TAF4B: variants seen among roughly 807,000 people sequenced by gnomAD.
TAF4B encodes the protein TATA-box binding protein associated factor 4b.
TAF4B carries 38 observed loss-of-function variants against 86.4 expected under a neutral mutation model. That is an observed-to-expected ratio of 0.44 (90% CI 0.34 to 0.58). The LOEUF is 0.58. TAF4B is among the 20% of genes least tolerant of loss of function. The pLI is 0.02. For synonymous variants in TAF4B, 388 were observed against 391.2 expected (o/e 0.99, Z 0.10); for missense variants, 988 against 1,027.6 (o/e 0.96, Z 0.53).
chr18:26,243,085 T>C (rs2055865890), intron 1 of TAF4B, among the ~76,000 whole-genome samples: 1 of 152,142 alleles, frequency 6.6e-6, no homozygotes, highest in Admixed American at 6.5e-5. Flanking sequence ...TCTCGAGGAG[T>C]ATCTTTGTGG....
rs1186267913 is a variant in TAF4B at position 26,346,797 on chromosome 18, A to ATG, written c.2317-10889_2317-10888dup. Among the ~76,000 whole-genome samples the ATG allele has an allele frequency of 6.6e-4, 14 of 21,370 alleles. 1 individual carries two copies. Among genetic ancestry groups the ATG allele is most frequent in the African/African-American group, 9.5e-4 (9 of 9,440 alleles). The allele number at this position is 21,370 out of a possible 152,430, so 14.0% of individuals were successfully genotyped here. A position where few individuals can be genotyped will look rare whatever the true frequency, so the allele number is the denominator to read the frequency against. ...TATGTGTGTGTATATATATATATAT[A>ATG]TGTGTATATATATATATATGTGTGT... On this transcript the variant is annotated intron_variant, in intron 13 of 14. Transcript: ENST00000269142.
intron 12 of TAF4B, among the ~76,000 whole-genome samples, chr18:26,331,292 G>GA (rs2057048585): frequency 6.6e-6 from 1 of 152,106 alleles, no homozygotes; most frequent in African/African-American, 2.4e-5. Flanking sequence ...AGTTATTATT[G>GA]AATATCATAA....
intron 14 of TAF4B, among the ~76,000 whole-genome samples, chr18:26,382,808 ATAAGT>A (rs1213502831): frequency 2.0e-5 from 3 of 152,214 alleles, no homozygotes; most frequent in East Asian, 1.9e-4. Flanking sequence ...CTAGTAAGTG[ATAAGT>A]TAAAGAGAAA....
chr18:26,352,244 T>C (rs1299554415), intron 13 of TAF4B, among the ~76,000 whole-genome samples: 2 of 152,014 alleles, frequency 1.3e-5, no homozygotes, highest in Admixed American at 6.6e-5. Flanking sequence ...GGATTAAAAA[T>C]CTGTAATGGA....
At position 26,389,937 on chromosome 18, in the gene TAF4B, G is replaced by C; in HGVS notation, c.2514G>C (p.Arg838Ser). 1.2e-6 allele frequency: 2 copies of C among 1,614,088 alleles called. No homozygotes were observed. The highest frequency in any genetic ancestry group is 8.5e-7 in the Non-Finnish European group (1 of 1,179,986). The change falls in exon 15 of 15, where the codon AGG becomes AGC. Residue 838 changes from arginine to serine, a missense_variant. This residue lies in a region of TAF4B where 216 missense variants were observed against 238.4 expected (regional missense o/e 0.91). Transcript: ENST00000269142. Reference protein sequence around the residue: ...HRPRITRICLRDLIFCMEQER... With the variant: ...HRPRITRICLSDLIFCMEQER... The stretch of plus-strand genomic sequence containing the variant: ...CAAGAATCACGAGAATCTGCCTCAG[G>C]GACTTGATATTTTGTATGGAACAGG...
At position 26,285,211 on chromosome 18, in the gene TAF4B, T is replaced by TTTTTTTTTTTTGTTTTTG. The variant is rs1386537034; in HGVS notation, c.973-661_973-660insTGTTTTTGTTTTTTTTTT. On this transcript the variant is annotated intron_variant, in intron 6 of 14. Coordinates refer to ENST00000269142, the MANE Select transcript of TAF4B (RefSeq NM_005640.3). ...TTTTAAAGACTATTTCTTCCTTTCC[T>TTTTTTTTTTTTGTTTTTG]TTTTTTTTTTGTTTTTTTTTTTTTT... 3.9e-4 allele frequency among the ~76,000 whole-genome samples: 32 copies of TTTTTTTTTTTTGTTTTTG among 82,694 alleles called. 4 individuals carry two copies. The highest frequency in any genetic ancestry group is 6.9e-4 in the Non-Finnish European group (27 of 39,282). 54.3% of individuals were successfully genotyped at this position (82,694 alleles called of 152,430 possible).
intron 5 of TAF4B, among the ~76,000 whole-genome samples, chr18:26,279,559 AAAC>A (rs1465255533): frequency 1.2e-4 from 18 of 151,142 alleles, no homozygotes; most frequent in Admixed American, 7.2e-4. Flanking sequence ...AAAAAAAAAA[AAAC>A]AACAACAACA....
intron 10 of TAF4B, among the ~76,000 whole-genome samples, chr18:26,319,642 C>G (rs1034822271): frequency 6.6e-6 from 1 of 151,654 alleles, no homozygotes; most frequent in African/African-American, 2.4e-5. Flanking sequence ...CAGGCTGGAG[C>G]GCAATGGTGC....
chr18:26,257,263 G>T (rs2056098168), intron 1 of TAF4B, among the ~76,000 whole-genome samples: 1 of 152,096 alleles, frequency 6.6e-6, no homozygotes, highest in African/African-American at 2.4e-5. Flanking sequence ...TGTGTGTGAG[G>T]TATATGTGCT....
intron 9 of TAF4B, among the ~76,000 whole-genome samples, chr18:26,302,568 G>A (rs1472675422): frequency 6.6e-6 from 1 of 151,794 alleles, no homozygotes; most frequent in African/African-American, 2.4e-5. Flanking sequence ...TCGCTTTGTT[G>A]TCCAGGCTGG....
intron 1 of TAF4B, among the ~76,000 whole-genome samples, chr18:26,250,655 C>A (rs569001398): frequency 6.6e-6 from 1 of 152,120 alleles, no homozygotes; most frequent in African/African-American, 2.4e-5. Flanking sequence ...CTGGATTCTA[C>A]GCTAAGTGCC....
In TAF4B at chr18:26,274,954, A is replaced by G; in HGVS notation, c.783A>G (p.Lys261=). 1.2e-6 allele frequency: 2 copies of G among 1,613,560 alleles called. No homozygotes were observed. The highest frequency in any genetic ancestry group is 1.7e-6 in the Non-Finnish European group (2 of 1,179,806). ...LSPTMLENVK[K]CKNFLAMLIK... is the part of the protein sequence containing the mutation. ...AGACAATGCTAGAAAATGTGAAGAA[A>G]TGCAAGAACTTCCTTGCAATGTTAA... is the stretch of plus-strand genomic sequence containing the variant. Residue 261 remains lysine (K), a synonymous_variant, in exon 5 of 15, where the codon AAA becomes AAG. Coordinates refer to ENST00000269142, the MANE Select transcript of TAF4B (RefSeq NM_005640.3).
intron 3 of TAF4B, among the ~76,000 whole-genome samples, chr18:26,270,509 C>G (rs2056299289): frequency 6.6e-6 from 1 of 152,118 alleles, no homozygotes; most frequent in Admixed American, 6.6e-5. Flanking sequence ...GAGATGAGGT[C>G]TTACTCTGTT....
chr18:26,291,989 G>T (rs2056599484), intron 7 of TAF4B, among the ~76,000 whole-genome samples: 1 of 152,100 alleles, frequency 6.6e-6, no homozygotes, highest in South Asian at 2.1e-4. Context: ...TTGGAAATCG[G>T]ATTTATAGGG....
At position 26,337,852 on chromosome 18, in the gene TAF4B, G is replaced by C. The variant is rs551107608; in HGVS notation, c.2316+2621G>C. 2.6e-5 allele frequency among the ~76,000 whole-genome samples: 4 copies of C among 152,212 alleles called. No homozygotes were observed. In the East Asian group the frequency reaches 7.7e-4, roughly 29 times the overall value. The stretch of plus-strand genomic sequence containing the variant: ...TTGGGTTGTGAATTTTTGGTATTTG[G>C]CTGTCTGAGAAGTTTTCTTTGTTCA... On this transcript the variant is annotated intron_variant, in intron 13 of 14. Transcript: ENST00000269142.
At chr18:26,257,498 T>C (rs980514529) in intron 1 of TAF4B, among the ~76,000 whole-genome samples, 1 of 152,180 alleles carries the variant, frequency 6.6e-6, no homozygotes, top group Admixed American at 6.5e-5. Context: ...CCTAGCACTT[T>C]CTCCCTTTTG....
rs114186959 is a variant in TAF4B, at chr18:26,355,825, T to C, written c.2317-1865T>C. Among the ~76,000 whole-genome samples the C allele has an allele frequency of 3.6e-3, 550 of 152,316 alleles. 6 individuals carry two copies. Among genetic ancestry groups the C allele is most frequent in the African/African-American group, 0.012 (519 of 41,572 alleles). On this transcript the variant is annotated intron_variant, in intron 13 of 14. Transcript: ENST00000269142. ...TATTTTGTCACCTAGAAGTTCTGAA[T>C]TGTGGCAGCATTAGACTCTAAAACT...
At chr18:26,247,890 A>G (rs538783112) in intron 1 of TAF4B, among the ~76,000 whole-genome samples, 3 of 151,212 alleles carry the variant, frequency 2.0e-5, no homozygotes, top group Admixed American at 2.0e-4. Flanking sequence ...AAAAGTAAAA[A>G]AAATTGAGAC....
intron 11 of TAF4B, among the ~76,000 whole-genome samples, chr18:26,322,454 AAAAAT>A (rs2056971026): frequency 7.0e-6 from 1 of 142,360 alleles, no homozygotes; most frequent in Non-Finnish European, 1.6e-5. Context: ...AGAAACACAC[AAAAAT>A]AAATAAAGAT....
Sources: gnomAD v4.1 joint callset for allele counts (sites outside exome capture counted in the v4.1 genomes callset) on GRCh38, gnomAD v4.1.1 for gene constraint, gnomAD v4.1.1 regional missense constraint, MANE v1.5 for transcripts, NCBI Gene and HGNC (gene_info 2026-07-23, HGNC 2026-07-21) for gene names.